The following MYH11 variants were observed in gnomAD, a reference collection of about 807,000 sequenced individuals.
MYH11 encodes the protein myosin-11.
MYH11 carries 80 observed loss-of-function variants against 246.6 expected under a neutral mutation model. The ratio of observed to expected loss-of-function variants is 0.32; its 90% CI spans 0.27 to 0.39. MYH11 has a LOEUF of 0.39. Ranked by LOEUF, MYH11 falls within the 10% of genes least tolerant of loss-of-function variation. The probability of loss-of-function intolerance (pLI) is 1.00; values close to 1 mark genes in which losing one functional copy is unlikely to be tolerated. For synonymous variants in MYH11, 1,071 were observed against 1,015.5 expected (o/e 1.05, Z -1.04); for missense variants, 2,158 against 2,546.8 (o/e 0.85, Z 3.29).
At chr16:15,747,782 C>T (rs1567724127) in intron 18 of MYH11, 52 bp from the exon 19 acceptor site, 1 of 1,613,078 alleles carries the variant, frequency 6.2e-7, no homozygotes, top group Admixed American at 1.7e-5. Context: ...GCCATTTGGC[C>T]AGTGATGACA....
intron 3 of MYH11, among the ~76,000 whole-genome samples, chr16:15,802,196 C>T (rs1350557104): frequency 6.6e-6 from 1 of 152,196 alleles, no homozygotes; most frequent in Non-Finnish European, 1.5e-5. Flanking sequence ...GAAAGAGCCA[C>T]CGCATTAGGA....
intron 25 of MYH11, among the ~76,000 whole-genome samples, chr16:15,737,136 C>T (rs1349658483): frequency 1.3e-5 from 2 of 152,018 alleles, no homozygotes; most frequent in Non-Finnish European, 2.9e-5. Flanking sequence ...ACTCATTGGG[C>T]AATCGGAAAT....
chr16:15,748,082 G>A lies in MYH11; in HGVS notation c.2145C>T (p.Phe715=), dbSNP rs2151260835. 6.2e-7 allele frequency: 1 copy of A among 1,614,176 alleles called. No homozygotes were observed. The change falls in exon 17 of 41, where the codon TTC becomes TTT. Residue 715 remains phenylalanine (F), a synonymous_variant. Coordinates refer to ENST00000300036, the MANE Select transcript of MYH11 (RefSeq NM_002474.3). ...ACTCCTGGAAGACGATCCGGTTGGG[G>A]AAGCCCTGCCGGCAGATGCGAATGC... is the stretch of plus-strand genomic sequence containing the variant. ...LEGIRICRQG[F]PNRIVFQEFR...
At chr16:15,742,168 C>T (rs560401880) in intron 20 of MYH11, 2 of 543,544 alleles carry the variant, frequency 3.7e-6, no homozygotes, top group Admixed American at 3.0e-5. Flanking sequence ...AGTGGCAAGA[C>T]TGAGGAGCTC....
At chr16:15,776,991 T>G (rs1388722439) in intron 7 of MYH11, among the ~76,000 whole-genome samples, 2 of 152,118 alleles carry the variant, frequency 1.3e-5, no homozygotes, top group Non-Finnish European at 2.9e-5. Flanking sequence ...CCTTGTCTTC[T>G]TCAAGTCCTA....
At chr16:15,798,233 T>C (rs771285855) in intron 4 of MYH11, among the ~76,000 whole-genome samples, 2 of 152,206 alleles carry the variant, frequency 1.3e-5, no homozygotes, top group Non-Finnish European at 1.5e-5. Context: ...TCACCAAATA[T>C]GGCACTGATG....
intron 28 of MYH11, chr16:15,726,366 T>TTC: frequency 5.9e-6 from 1 of 169,296 alleles, no homozygotes; most frequent in Non-Finnish European, 1.2e-5. Flanking sequence ...AAGGGTTTTT[T>TTC]TTCTTTTTTT....
At chr16:15,834,293 G>A (rs757970456) in intron 2 of MYH11, among the ~76,000 whole-genome samples, 2 of 151,994 alleles carry the variant, frequency 1.3e-5, no homozygotes, top group Non-Finnish European at 2.9e-5. Flanking sequence ...TTGGGAGGCC[G>A]AGGCAAGTGG....
chr16:15,769,387 C>A (rs116063473), intron 9 of MYH11, among the ~76,000 whole-genome samples: 2,261 of 152,336 alleles, frequency 0.015, 57 homozygotes, highest in African/African-American at 0.051. Flanking sequence ...GTAGTCTCAA[C>A]GACTTGAGAG....
At chr16:15,721,686 A>C (rs1164968307) in intron 31 of MYH11, 52 bp from the exon 32 acceptor site, 1 of 1,589,680 alleles carries the variant, frequency 6.3e-7, no homozygotes, top group Non-Finnish European at 8.6e-7. Flanking sequence ...GGTCAGCGTC[A>C]CTGAATTGTA....
At chr16:15,787,004 G>A (rs1348106365) in intron 4 of MYH11, among the ~76,000 whole-genome samples, 1 of 152,190 alleles carries the variant, frequency 6.6e-6, no homozygotes, top group Non-Finnish European at 1.5e-5. Flanking sequence ...GGATGTGGTG[G>A]CTCATGCCTG....
intron 3 of MYH11, among the ~76,000 whole-genome samples, chr16:15,808,015 C>A (rs1278964242): frequency 6.6e-6 from 1 of 152,222 alleles, no homozygotes; most frequent in Non-Finnish European, 1.5e-5. Context: ...GCCCTTCTTT[C>A]TGGTAACAGG....
chr16:15,852,259 C>T (rs1022184902), intron 1 of MYH11, among the ~76,000 whole-genome samples: 3 of 151,732 alleles, frequency 2.0e-5, no homozygotes, highest in South Asian at 2.1e-4. Flanking sequence ...TTGTCTTCCA[C>T]GAAACCAGTC....
intron 4 of MYH11, among the ~76,000 whole-genome samples, chr16:15,789,020 A>AG (rs1445448271): frequency 6.6e-6 from 1 of 152,036 alleles, no homozygotes; most frequent in African/African-American, 2.4e-5. Context: ...GGGGGGATAT[A>AG]GGGGGAAGGG....
chr16:15,740,287 GC>G, intron 22 of MYH11, 99 bp from the exon 23 acceptor site: 1 of 1,565,174 alleles, frequency 6.4e-7, no homozygotes, highest in Non-Finnish European at 8.7e-7. Context: ...GCCTGAAGAT[GC>G]CCAGAACTCT....
intron 40 of MYH11, chr16:15,711,399 G>C (rs1294181174): frequency 6.6e-6 from 1 of 152,160 alleles, no homozygotes; most frequent in Non-Finnish European, 1.5e-5. Flanking sequence ...GTAGGCTTCA[G>C]GTCTTGGTGA....
At position 15,703,569 on chromosome 16, in the gene MYH11, T is replaced by C. The variant is rs2039297359; in HGVS notation, c.*422A>G. ...CATCATACAAACTTCAATTTTTACC[T>C]TGAATACAGGGGTAGTAGGGGTGGT... On this transcript the variant is annotated 3_prime_UTR_variant, in exon 41 of 41. Coordinates refer to ENST00000300036, the MANE Select transcript of MYH11 (RefSeq NM_002474.3). 1 of 340,188 alleles carries C rather than the reference T, an allele frequency of 2.9e-6. No individual in the cohort carries two copies. Among genetic ancestry groups the C allele is most frequent in the Non-Finnish European group, 5.5e-6 (1 of 180,844 alleles). 21.1% of individuals were successfully genotyped at this position (340,188 alleles called of 1,614,324 possible). A position where few individuals can be genotyped will look rare whatever the true frequency, so the allele number is the denominator to read the frequency against.
chr16:15,829,659 A>C (rs1400363519), intron 2 of MYH11, among the ~76,000 whole-genome samples: 1 of 152,202 alleles, frequency 6.6e-6, no homozygotes, highest in Non-Finnish European at 1.5e-5. Context: ...TGCCACCAGC[A>C]AGTCCCAGCT....
chr16:15,795,543 G>A (rs1596853741), intron 4 of MYH11, among the ~76,000 whole-genome samples: 2 of 152,304 alleles, frequency 1.3e-5, no homozygotes, highest in South Asian at 4.1e-4. Flanking sequence ...CCTGGGAGGT[G>A]GAGGTTGCTG....
Sources: allele counts gnomAD v4.1 joint callset (sites outside exome capture counted in the v4.1 genomes callset), GRCh38; gene constraint gnomAD v4.1.1; transcripts MANE v1.5; gene names NCBI Gene and HGNC (gene_info 2026-07-23, HGNC 2026-07-21).